Variants in BCAR3 observed in about 807,000 individuals in gnomAD.
The protein encoded by BCAR3 is breast cancer anti-estrogen resistance protein 3.
A neutral mutation model predicts 80.1 loss-of-function variants in BCAR3; 37 were observed. The ratio of observed to expected loss-of-function variants is 0.46; its 90% CI spans 0.36 to 0.61. BCAR3 has a LOEUF of 0.61. Ranked by LOEUF, BCAR3 falls within the 20% of genes least tolerant of loss-of-function variation. BCAR3 has a pLI of 0.00. For missense variants in BCAR3, 978 were observed against 1,068.2 expected (o/e 0.92, Z 1.18); for synonymous variants, 389 against 418.9 (o/e 0.93, Z 0.87).
chr1:93,626,107 C>G (rs758501485), intron 3 of BCAR3, among the ~76,000 whole-genome samples: 1 of 152,180 alleles, frequency 6.6e-6, no homozygotes, highest in African/African-American at 2.4e-5. Flanking sequence ...TATATCATGA[C>G]TTGGTTATGT....
chr1:93,588,845 C>T, intron 5 of BCAR3, 132 bp downstream of exon 5: 1 of 1,008,790 alleles, frequency 9.9e-7, no homozygotes, highest in South Asian at 1.8e-5. Context: ...CTCGTGACAG[C>T]TATTCTGCGA....
At chr1:93,567,880 G>T in intron 9 of BCAR3, 29 bp from the exon 10 acceptor site, 1 of 1,583,608 alleles carries the variant, frequency 6.3e-7, no homozygotes, top group African/African-American at 1.3e-5. Context: ...TTTGGAAAAG[G>T]TTCTTTTTAA....
intron 1 of BCAR3, among the ~76,000 whole-genome samples, chr1:93,678,872 C>T (rs187893455): frequency 6.3e-4 from 96 of 152,258 alleles, no homozygotes; most frequent in Admixed American, 2.2e-3. Flanking sequence ...TAGGAACAAG[C>T]GGTTGGAATG....
At chr1:93,597,563 G>A (rs1181386649) in intron 3 of BCAR3, among the ~76,000 whole-genome samples, 1 of 152,170 alleles carries the variant, frequency 6.6e-6, no homozygotes, top group African/African-American at 2.4e-5. Context: ...CTACAAAATG[G>A]GCATGATAAT....
At chr1:93,585,556 A>C (rs778334204) in intron 5 of BCAR3, among the ~76,000 whole-genome samples, 6 of 151,884 alleles carry the variant, frequency 4.0e-5, no homozygotes, top group Non-Finnish European at 8.8e-5. Context: ...TGCCGAATAC[A>C]CTCCCACTCT....
intron 2 of BCAR3, among the ~76,000 whole-genome samples, chr1:93,719,464 C>T (rs2101985438): frequency 6.6e-6 from 1 of 150,554 alleles, no homozygotes; most frequent in South Asian, 2.1e-4. Flanking sequence ...CCTCAGCCTC[C>T]CGAGTAGCTG....
intron 2 of BCAR3, among the ~76,000 whole-genome samples, chr1:93,758,251 G>A (rs935054552): frequency 1.3e-5 from 2 of 152,202 alleles, no homozygotes; most frequent in African/African-American, 2.4e-5. Flanking sequence ...ATAAAGCTGC[G>A]GCCTCTGGTC....
chr1:93,568,771 A>G (rs1324019628), intron 9 of BCAR3, among the ~76,000 whole-genome samples: 1 of 152,238 alleles, frequency 6.6e-6, no homozygotes, highest in Non-Finnish European at 1.5e-5. Context: ...AAATTTCTGC[A>G]TAATAGTCCA....
chr1:93,821,609 C>CA (rs1190219387), intron 2 of BCAR3, among the ~76,000 whole-genome samples: 1 of 152,170 alleles, frequency 6.6e-6, no homozygotes, highest in East Asian at 1.9e-4. Flanking sequence ...GGCATGAGGT[C>CA]ACTCTATTTG....
chr1:93,843,389 A>G (rs762967495), intron 2 of BCAR3, among the ~76,000 whole-genome samples: 30 of 152,212 alleles, frequency 2.0e-4, no homozygotes, highest in Non-Finnish European at 1.2e-4. Flanking sequence ...AATAGCAAAT[A>G]TTTGTTACAC....
intron 2 of BCAR3, among the ~76,000 whole-genome samples, chr1:93,668,523 G>A (rs1010314880): frequency 9.9e-5 from 15 of 152,206 alleles, no homozygotes; most frequent in Admixed American, 3.3e-4. Flanking sequence ...CAACAGCTGC[G>A]TTCAAACACC....
intron 2 of BCAR3, among the ~76,000 whole-genome samples, chr1:93,756,189 C>T (rs547222805): frequency 6.6e-6 from 1 of 152,316 alleles, no homozygotes. Context: ...TAATTGCATG[C>T]AGTGGTCTAG....
At chr1:93,767,166 C>G (rs1295907887) in intron 2 of BCAR3, among the ~76,000 whole-genome samples, 1 of 150,568 alleles carries the variant, frequency 6.6e-6, no homozygotes, top group Non-Finnish European at 1.5e-5. Flanking sequence ...GTTATCCAGG[C>G]AGGGTGGGAA....
intron 2 of BCAR3, among the ~76,000 whole-genome samples, chr1:93,741,012 T>A (rs1651156591): frequency 6.6e-6 from 1 of 152,204 alleles, no homozygotes; most frequent in Admixed American, 6.5e-5. Flanking sequence ...AAAGCGTGGC[T>A]TTTTGCCTGC....
chr1:93,566,819 C>G (rs563036725), intron 11 of BCAR3, among the ~76,000 whole-genome samples: 44 of 152,270 alleles, frequency 2.9e-4, no homozygotes, highest in Non-Finnish European at 5.4e-4. Flanking sequence ...CCTCCGCCTC[C>G]CGGGTTCAAG....
Position 93,833,966 on chromosome 1 carries a change from T to C in BCAR3, c.-63+11601A>G, listed in dbSNP as rs548404823. 1.6e-4 allele frequency among the ~76,000 whole-genome samples: 25 copies of C among 152,288 alleles called. 1 individual carries two copies. In the East Asian group the frequency reaches 4.2e-3, roughly 26 times the overall value. On this transcript the variant is annotated intron_variant, in intron 2 of 13. Transcript: ENST00000370244. ...AATCTTCAAAATTTACATTCAGAGATTGCAGTAAAGACAGGCGTAAGAAAT... is the reference window on the plus strand; with the variant it reads ...AATCTTCAAAATTTACATTCAGAGACTGCAGTAAAGACAGGCGTAAGAAAT...
chr1:93,662,060 C>T (rs1311388009), intron 2 of BCAR3, among the ~76,000 whole-genome samples: 2 of 152,184 alleles, frequency 1.3e-5, no homozygotes, highest in Non-Finnish European at 2.9e-5. Flanking sequence ...ATGATTAAAG[C>T]AATAGAAGTG....
rs71586802 is a variant in BCAR3 at position 93,587,701 on chromosome 1, C to CAAA, written c.929+1273_929+1275dup. On this transcript the variant is annotated intron_variant, in intron 5 of 11. Coordinates refer to ENST00000260502, the MANE Select transcript of BCAR3 (RefSeq NM_003567.4). Reference sequence around the variant, plus strand: ...GACATTTCCTCATGGACCCCCCCGCCAAAAAAAAAAACCAGTGAGTAGAAT... The same window carrying CAAA: ...GACATTTCCTCATGGACCCCCCCGCCAAAAAAAAAAAAAACCAGTGAGTAGAAT... 5.6e-4 allele frequency among the ~76,000 whole-genome samples: 80 copies of CAAA among 143,250 alleles called. 2 individuals are homozygous for CAAA. The highest frequency in any genetic ancestry group is 7.0e-4 in the Non-Finnish European group (46 of 65,312). 94.0% of individuals were successfully genotyped at this position (143,250 alleles called of 152,430 possible).
intron 2 of BCAR3, among the ~76,000 whole-genome samples, chr1:93,652,598 G>C (rs1457920518): frequency 1.3e-5 from 2 of 151,468 alleles, no homozygotes; most frequent in Non-Finnish European, 2.9e-5. Flanking sequence ...CAGATCACTA[G>C]AAAACAAACA....
Sources: gnomAD v4.1 joint callset for allele counts (sites outside exome capture counted in the v4.1 genomes callset) on GRCh38, gnomAD v4.1.1 for gene constraint, MANE v1.5 for transcripts, NCBI Gene and HGNC (gene_info 2026-07-23, HGNC 2026-07-21) for gene names.